GAB2: variants seen among roughly 807,000 people sequenced by gnomAD.
GAB2 encodes the protein GRB2-associated-binding protein 2.
In GAB2, 26 loss-of-function variants were observed where a neutral mutation model predicts 65.5. The ratio of observed to expected loss-of-function variants is 0.40; its 90% CI spans 0.29 to 0.55. GAB2 has a LOEUF of 0.55. Ranked by LOEUF, GAB2 falls within the 20% of genes least tolerant of loss-of-function variation. GAB2 has a pLI of 0.53. For missense variants in GAB2, 884 were observed against 875.8 expected, an observed-to-expected ratio of 1.01 and a Z score of -0.12; for synonymous variants, 321 against 329.6, an observed-to-expected ratio of 0.97 and a Z score of 0.28.
intron 1 of GAB2, among the ~76,000 whole-genome samples, chr11:78,405,091 A>ATTT (rs1174366754): frequency 8.5e-4 from 79 of 93,234 alleles, no homozygotes; most frequent in Middle Eastern, 8.6e-3. Flanking sequence ...AAAAACATGG[A>ATTT]TTTTTTTTTT....
intron 1 of GAB2, among the ~76,000 whole-genome samples, chr11:78,395,050 G>A (rs1327550288): frequency 6.6e-6 from 1 of 151,798 alleles, no homozygotes; most frequent in Non-Finnish European, 1.5e-5. Context: ...GGGCAACTGG[G>A]CACTGGAATG....
chr11:78,306,702 G>A (rs1203465898), intron 1 of GAB2, among the ~76,000 whole-genome samples: 1 of 152,198 alleles, frequency 6.6e-6, no homozygotes, highest in Non-Finnish European at 1.5e-5. Flanking sequence ...CAAGCGTCTT[G>A]AAGGCAGAGA....
chr11:78,336,953 A>T (rs547532012), intron 1 of GAB2, among the ~76,000 whole-genome samples: 11 of 152,336 alleles, frequency 7.2e-5, no homozygotes, highest in Non-Finnish European at 1.5e-4. Flanking sequence ...ATCATAGTAA[A>T]GGGAAGAAAA....
intron 1 of GAB2, among the ~76,000 whole-genome samples, chr11:78,298,052 A>C (rs141809206): frequency 6.6e-6 from 1 of 152,148 alleles, no homozygotes; most frequent in African/African-American, 2.4e-5. Context: ...AATGGTTTTA[A>C]ATTTTTCCAT....
At chr11:78,321,174 G>A (rs1327555432) in intron 1 of GAB2, among the ~76,000 whole-genome samples, 3 of 152,170 alleles carry the variant, frequency 2.0e-5, no homozygotes, top group Non-Finnish European at 4.4e-5. Context: ...CTGAAGCCAT[G>A]GGGGTGGATA....
chr11:78,226,457 AT>A lies in GAB2; in HGVS notation c.1207+7del, dbSNP rs1864653752. 6.2e-7 allele frequency: 1 copy of A among 1,605,706 alleles called. No individual in the cohort carries two copies. Among genetic ancestry groups the A allele is most frequent in the African/African-American group, 1.3e-5 (1 of 74,770 alleles). ...TCCCTCTGAGTCTCAGCTAGGACTT[AT>A]ACTGACCTCGGTGAAGTCGGCTGTT... On this transcript the variant is annotated splice_region_variant and intron_variant, in intron 4 of 9. Transcript: ENST00000361507.
At chr11:78,310,069 T>A (rs1218341301) in intron 1 of GAB2, among the ~76,000 whole-genome samples, 1 of 151,878 alleles carries the variant, frequency 6.6e-6, no homozygotes, top group Non-Finnish European at 1.5e-5. Flanking sequence ...GACAGGTATA[T>A]TAACCTCAAA....
intron 1 of GAB2, among the ~76,000 whole-genome samples, chr11:78,398,384 G>A (rs998227235): frequency 6.6e-6 from 1 of 152,104 alleles, no homozygotes; most frequent in Admixed American, 6.5e-5. Flanking sequence ...TTTAACTGGG[G>A]GAATGTGCAC....
At chr11:78,308,745 T>C (rs1055558818) in intron 1 of GAB2, among the ~76,000 whole-genome samples, 2 of 151,678 alleles carry the variant, frequency 1.3e-5, no homozygotes, top group Non-Finnish European at 3.0e-5. Flanking sequence ...GAAGTCATGA[T>C]ACTTGGAAGA....
intron 1 of GAB2, among the ~76,000 whole-genome samples, chr11:78,340,651 G>T (rs115434488): frequency 4.0e-5 from 6 of 150,664 alleles, no homozygotes; most frequent in African/African-American, 1.5e-4. Context: ...CAGGAGTTTA[G>T]TAAGACTGGG....
intron 1 of GAB2, among the ~76,000 whole-genome samples, chr11:78,310,516 AAAAAAAAAAAAAAAG>A (rs1285921408): frequency 1.3e-5 from 2 of 148,650 alleles, no homozygotes; most frequent in Non-Finnish European, 3.0e-5. Context: ...TCTGTCTCAA[AAAAAAAAAAAAAAAG>A]AAAAAAAAAT....
intron 1 of GAB2, among the ~76,000 whole-genome samples, chr11:78,336,812 G>A (rs562767767): frequency 5.9e-5 from 9 of 152,206 alleles, no homozygotes; most frequent in Middle Eastern, 3.4e-3. Flanking sequence ...AAGGGTATGA[G>A]AAAAATGTTA....
chr11:78,298,537 G>A (rs1469807996), intron 1 of GAB2, among the ~76,000 whole-genome samples: 1 of 152,238 alleles, frequency 6.6e-6, no homozygotes, highest in East Asian at 1.9e-4. Context: ...ATTGAATTCT[G>A]TGAGGTTCAT....
chr11:78,357,758 C>T (rs1856378288), intron 1 of GAB2, among the ~76,000 whole-genome samples: 2 of 152,158 alleles, frequency 1.3e-5, no homozygotes, highest in South Asian at 4.1e-4. Context: ...CCATCTCACA[C>T]CAGTTAGAAT....
At chr11:78,271,203 T>C (rs1254363099) in intron 2 of GAB2, among the ~76,000 whole-genome samples, 1 of 152,244 alleles carries the variant, frequency 6.6e-6, no homozygotes, top group African/African-American at 2.4e-5. Context: ...TGCCCACAAC[T>C]GAGCCACAAA....
chr11:78,312,464 C>G (rs1246338341), intron 1 of GAB2, among the ~76,000 whole-genome samples: 1 of 152,208 alleles, frequency 6.6e-6, no homozygotes, highest in Non-Finnish European at 1.5e-5. Context: ...CTCGCTCTGT[C>G]GCCCAGGCTG....
intron 2 of GAB2, among the ~76,000 whole-genome samples, chr11:78,256,495 G>A (rs1012084952): frequency 2.6e-5 from 4 of 152,198 alleles, no homozygotes; most frequent in Non-Finnish European, 5.9e-5. Context: ...CAGGCATGGG[G>A]GAGTGAGAAT....
At chr11:78,383,909 C>T (rs375068339) in intron 1 of GAB2, among the ~76,000 whole-genome samples, 9 of 152,124 alleles carry the variant, frequency 5.9e-5, no homozygotes, top group East Asian at 1.9e-4. Context: ...CCAGGCATTG[C>T]GGGCTTTCGT....
At chr11:78,387,625 C>T (rs970558139) in intron 1 of GAB2, among the ~76,000 whole-genome samples, 1 of 152,142 alleles carries the variant, frequency 6.6e-6, no homozygotes, top group African/African-American at 2.4e-5. Context: ...TCAGACTGTA[C>T]AGAGTTAGCA....
Sources: gnomAD v4.1 joint callset for allele counts (sites outside exome capture counted in the v4.1 genomes callset) on GRCh38, gnomAD v4.1.1 for gene constraint, MANE v1.5 for transcripts, NCBI Gene and HGNC (gene_info 2026-07-23, HGNC 2026-07-21) for gene names.